The following PTPRD variants were observed in gnomAD, a reference collection of about 807,000 sequenced individuals.
The protein encoded by PTPRD is protein tyrosine phosphatase receptor type D.
Under a neutral mutation model 214.5 loss-of-function variants are expected in PTPRD, and 34 were observed. The ratio of observed to expected loss-of-function variants is 0.16; its 90% CI spans 0.12 to 0.21. The LOEUF (loss-of-function observed/expected upper bound fraction) is 0.21, where lower values mean the gene tolerates loss of function less well. PTPRD is among the 10% of genes least tolerant of loss of function. The probability of loss-of-function intolerance (pLI) is 1.00; values close to 1 mark genes in which losing one functional copy is unlikely to be tolerated. For synonymous variants in PTPRD, 1,128 were observed against 845.7 expected (o/e 1.33, Z -5.79); for missense variants, 2,545 against 2,398.7 (o/e 1.06, Z -1.27).
intron 5 of PTPRD, among the ~76,000 whole-genome samples, chr9:9,894,763 C>T (rs1262062733): frequency 6.6e-6 from 1 of 152,008 alleles, no homozygotes; most frequent in African/African-American, 2.4e-5. Context: ...AATTTGTTCT[C>T]AGTATTGTAA....
At chr9:9,776,066 T>TTCATCAAG (rs1160413997) in intron 5 of PTPRD, among the ~76,000 whole-genome samples, 1 of 151,482 alleles carries the variant, frequency 6.6e-6, no homozygotes, top group African/African-American at 2.4e-5. Context: ...AGTAAAAGAT[T>TTCATCAAG]TCATCAAGTG....
Position 10,090,860 on chromosome 9 carries a change from G to A in PTPRD, c.-544-57070C>T, listed in dbSNP as rs527246172. Among the ~76,000 whole-genome samples the A allele has an allele frequency of 1.5e-4, 21 of 139,362 alleles. No homozygotes were observed. In the South Asian group the frequency reaches 3.3e-3, roughly 22 times the overall value. 91.4% of individuals were successfully genotyped at this position (139,362 alleles called of 152,430 possible). On this transcript the variant is annotated intron_variant, in intron 3 of 45. Coordinates refer to ENST00000381196, the MANE Select transcript of PTPRD (RefSeq NM_002839.4). ...TCAATCACCATGTAATATCTTAAACGGTAACTTTTGTCTTACAAAAATCTA... is the reference window on the plus strand; with the variant it reads ...TCAATCACCATGTAATATCTTAAACAGTAACTTTTGTCTTACAAAAATCTA...
At chr9:9,973,582 ACTTTCTTCG>A (rs2154052511) in intron 4 of PTPRD, among the ~76,000 whole-genome samples, 1 of 152,240 alleles carries the variant, frequency 6.6e-6, no homozygotes, top group Non-Finnish European at 1.5e-5. Context: ...TCTAAAACTA[ACTTTCTTCG>A]CTAGGAAAGG....
At chr9:9,148,168 G>C (rs1470433) in intron 10 of PTPRD, among the ~76,000 whole-genome samples, 2 of 151,910 alleles carry the variant, frequency 1.3e-5, no homozygotes, top group Non-Finnish European at 2.9e-5. Context: ...CAGAGAGAAA[G>C]TTTTTGCTAG....
intron 8 of PTPRD, among the ~76,000 whole-genome samples, chr9:9,507,099 T>G (rs189732048): frequency 3.8e-4 from 58 of 151,468 alleles, no homozygotes; most frequent in African/African-American, 1.4e-3. Flanking sequence ...AAGTTTGAAT[T>G]CTAGGAAATA....
At position 8,821,742 on chromosome 9, in the gene PTPRD, G is replaced by A. The variant is rs192077013; in HGVS notation, c.-103-87796C>T. ...TTGCAGTGGCACAATCTCGGCTCAC[G>A]GCAACCTCCGCCTCCCAGGTTCAAG... On this transcript the variant is annotated intron_variant, in intron 11 of 45. Transcript: ENST00000381196. Among the ~76,000 whole-genome samples the A allele has an allele frequency of 7.7e-4, 117 of 152,156 alleles. 2 individuals carry two copies. In the East Asian group the frequency reaches 0.014, roughly 18 times the overall value.
chr9:9,823,378 T>G (rs1274370710), intron 5 of PTPRD, among the ~76,000 whole-genome samples: 3 of 151,824 alleles, frequency 2.0e-5, no homozygotes, highest in Admixed American at 6.6e-5. Context: ...CCAGATCTCG[T>G]GAGAACTTAC....
chr9:9,993,185 G>A (rs1040913601), intron 4 of PTPRD, among the ~76,000 whole-genome samples: 1 of 152,096 alleles, frequency 6.6e-6, no homozygotes, highest in African/African-American at 2.4e-5. Context: ...ATATTCTCCT[G>A]GTGGGAGTAT....
intron 5 of PTPRD, among the ~76,000 whole-genome samples, chr9:9,876,238 A>G (rs2066830320): frequency 6.6e-6 from 1 of 152,158 alleles, no homozygotes; most frequent in Non-Finnish European, 1.5e-5. Context: ...GTTGTACACA[A>G]TCAGATTTTT....
chr9:9,464,427 G>A (rs2093953135), intron 8 of PTPRD, among the ~76,000 whole-genome samples: 1 of 152,094 alleles, frequency 6.6e-6, no homozygotes, highest in Non-Finnish European at 1.5e-5. Flanking sequence ...ATTTTAAGCT[G>A]TTTAATTATA....
At chr9:8,683,385 CAAAAAAAA>C (rs78015875) in intron 12 of PTPRD, among the ~76,000 whole-genome samples, 1 of 107,068 alleles carries the variant, frequency 9.3e-6, no homozygotes, top group African/African-American at 3.1e-5. Flanking sequence ...ACTCCTTTCT[CAAAAAAAA>C]AAAAAAAAGT....
chr9:10,040,390 G>C (rs1314827860), intron 3 of PTPRD, among the ~76,000 whole-genome samples: 1 of 152,038 alleles, frequency 6.6e-6, no homozygotes, highest in Admixed American at 6.6e-5. Flanking sequence ...ACGAGGAGCA[G>C]ATGTGCTTCT....
At chr9:10,145,920 A>G (rs2099019224) in intron 3 of PTPRD, among the ~76,000 whole-genome samples, 1 of 151,928 alleles carries the variant, frequency 6.6e-6, no homozygotes, top group Non-Finnish European at 1.5e-5. Flanking sequence ...ATAAAAATAC[A>G]AATATAGTGT....
intron 9 of PTPRD, among the ~76,000 whole-genome samples, chr9:9,196,818 A>T (rs1475189155): frequency 1.3e-5 from 2 of 152,122 alleles, no homozygotes; most frequent in African/African-American, 4.8e-5. Context: ...ACTGATAAGG[A>T]CCTGGCCTGC....
chr9:10,389,043 G>A (rs2097993627), intron 2 of PTPRD, among the ~76,000 whole-genome samples: 1 of 151,636 alleles, frequency 6.6e-6, no homozygotes, highest in South Asian at 2.1e-4. Flanking sequence ...TGTGATTTTG[G>A]CCCATATGTT....
chr9:9,302,601 C>CTTTTTT (rs3047853), intron 9 of PTPRD, among the ~76,000 whole-genome samples: 25 of 111,884 alleles, frequency 2.2e-4, no homozygotes, highest in East Asian at 5.5e-4. Context: ...TTTTTTTTTT[C>CTTTTTT]TTTTTTTTTT....
intron 5 of PTPRD, among the ~76,000 whole-genome samples, chr9:9,840,404 A>T (rs1482459692): frequency 6.6e-6 from 1 of 152,090 alleles, no homozygotes; most frequent in Non-Finnish European, 1.5e-5. Context: ...AGTTGTTGAA[A>T]CATTATCCTT....
At chr9:9,497,812 C>A (rs1203616501) in intron 8 of PTPRD, among the ~76,000 whole-genome samples, 2 of 152,054 alleles carry the variant, frequency 1.3e-5, no homozygotes, top group Non-Finnish European at 2.9e-5. Flanking sequence ...CCAAAAGTAG[C>A]ACTGTTATGG....
intron 5 of PTPRD, among the ~76,000 whole-genome samples, chr9:9,915,051 A>C (rs1207203170): frequency 6.6e-6 from 1 of 152,162 alleles, no homozygotes; most frequent in South Asian, 2.1e-4. Flanking sequence ...GCCAACTTTC[A>C]GCAAAGCCTC....
Sources: gnomAD v4.1 joint callset for allele counts (sites outside exome capture counted in the v4.1 genomes callset) on GRCh38, gnomAD v4.1.1 for gene constraint, MANE v1.5 for transcripts, NCBI Gene and HGNC (gene_info 2026-07-23, HGNC 2026-07-21) for gene names.